KREMEN2: variants seen among roughly 807,000 people sequenced by gnomAD.
KREMEN2 encodes the protein kremen protein 2.
A neutral mutation model predicts 49.8 loss-of-function variants in KREMEN2; 43 were observed. The ratio of observed to expected loss-of-function variants is 0.86; its 90% CI spans 0.68 to 1.11. KREMEN2 has a LOEUF of 1.11. Ranked by LOEUF, KREMEN2 falls within the 50% of genes most tolerant of loss-of-function variation. The pLI, the probability that KREMEN2 is intolerant of heterozygous loss-of-function variation, is 0.00. For synonymous variants in KREMEN2, 355 were observed against 304.9 expected, an observed-to-expected ratio of 1.16 and a Z score of -1.71; for missense variants, 686 against 665.7, an observed-to-expected ratio of 1.03 and a Z score of -0.34.
chr16:2,964,937 G>A lies in KREMEN2; in HGVS notation c.173G>A (p.Arg58His). 2 of 1,597,626 alleles carry A rather than the reference G, an allele frequency of 1.3e-6. No homozygotes were observed. Among genetic ancestry groups the A allele is most frequent in the South Asian group, 1.1e-5 (1 of 89,608 alleles). ...QNRTGPRGAG[R>H]PCLFWDQTQQ... ...CGCACTGGCCCGCGCGGGGCGGGCC[G>A]CCCGTGCCTCTTCTGGGACCAGACG... The change falls in exon 2 of 9, where the codon CGC becomes CAC. Residue 58 changes from arginine to histidine, a missense_variant. Arg to His is a conservative substitution (Grantham distance 29). Coordinates refer to ENST00000303746, the MANE Select transcript of KREMEN2 (RefSeq NM_172229.3).
At position 2,964,390 on chromosome 16, in the gene KREMEN2, C is replaced by T. The variant is rs2071776127; in HGVS notation, c.-131C>T. On this transcript the variant is annotated 5_prime_UTR_variant, in exon 1 of 9. Coordinates refer to ENST00000303746, the MANE Select transcript of KREMEN2 (RefSeq NM_172229.3). ...ATTTACCCACCCCAGACGGAAAGCG[C>T]GGCTCAGAGTCGGACGAGGGGAGAC... 4.7e-6 allele frequency: 3 copies of T among 633,340 alleles called. No individual in the cohort carries two copies. The highest frequency in any genetic ancestry group is 5.6e-4 in the Middle Eastern group (2 of 3,540). 39.2% of individuals were successfully genotyped at this position (633,340 alleles called of 1,614,324 possible).
chr16:2,967,716 G>A, intron 8 of KREMEN2, 94 bp from the exon 9 acceptor site: 2 of 1,547,664 alleles, frequency 1.3e-6, no homozygotes, highest in East Asian at 2.4e-5. Context: ...GCGAGGCTTT[G>A]GGTCCACGCA....
rs539643343 is a variant in KREMEN2 at position 2,968,190 on chromosome 16, G to T, written c.*170G>T. On this transcript the variant is annotated 3_prime_UTR_variant, in exon 9 of 9. Transcript: ENST00000303746. Reference sequence around the variant, plus strand: ...CATCTGGTGCTATTATCTGGGACTTGGCCTGACCGTGGGGGTCCAGATGGT... The same window carrying T: ...CATCTGGTGCTATTATCTGGGACTTTGCCTGACCGTGGGGGTCCAGATGGT... 2.2e-6 allele frequency: 2 copies of T among 916,586 alleles called. No individual in the cohort carries two copies. Among genetic ancestry groups the T allele is most frequent in the South Asian group, 3.0e-5 (2 of 66,246 alleles). 56.8% of individuals were successfully genotyped at this position (916,586 alleles called of 1,614,324 possible). A position where few individuals can be genotyped will look rare whatever the true frequency, so the allele number is the denominator to read the frequency against.
In KREMEN2 at chr16:2,968,031, C is replaced by A; in HGVS notation, c.*11C>A. 6.5e-7 allele frequency: 1 copy of A among 1,541,836 alleles called. No individual in the cohort carries two copies. The highest frequency in any genetic ancestry group is 8.7e-7 in the Non-Finnish European group (1 of 1,149,768). On this transcript the variant is annotated 3_prime_UTR_variant, in exon 9 of 9. Coordinates refer to ENST00000303746, the MANE Select transcript of KREMEN2 (RefSeq NM_172229.3). ...ATCTCCGCTCTCTGACTCTGGGCCCCGAGGGTCCGCTGGGCCCGCCGCCGG... is the reference window on the plus strand; with the variant it reads ...ATCTCCGCTCTCTGACTCTGGGCCCAGAGGGTCCGCTGGGCCCGCCGCCGG...
At chr16:2,967,272 C>G in intron 6 of KREMEN2, 30 bp downstream of exon 6, 1 of 1,361,590 alleles carries the variant, frequency 7.3e-7, no homozygotes. Flanking sequence ...GCCCTGCCCG[C>G]TGTTCCCACC....
Position 2,967,181 on chromosome 16 carries a change from G to A in KREMEN2, c.912G>A (p.Leu304=). 7.3e-7 allele frequency: 1 copy of A among 1,370,182 alleles called. No homozygotes were observed. Among genetic ancestry groups the A allele is most frequent in the South Asian group, 1.7e-5 (1 of 57,378 alleles). The allele number at this position is 1,370,182 out of a possible 1,614,324, so 84.9% of individuals were successfully genotyped here. A position where few individuals can be genotyped will look rare whatever the true frequency, so the allele number is the denominator to read the frequency against. Residue 304 remains leucine, a synonymous_variant, in exon 6 of 9, where the codon CTG becomes CTA. Coordinates refer to ENST00000303746, the MANE Select transcript of KREMEN2 (RefSeq NM_172229.3). Reference sequence around the variant, plus strand: ...CGCTGCGCCTGGGCACTGCCGCGCTGCTGCTCACCTTCCGAAGCGACGCGC... The same window carrying A: ...CGCTGCGCCTGGGCACTGCCGCGCTACTGCTCACCTTCCGAAGCGACGCGC... ...SGPLRLGTAA[L]LLTFRSDARG...
At position 2,964,488 on chromosome 16, in the gene KREMEN2, C is replaced by T. The variant is rs1472054029; in HGVS notation, c.-33C>T. The T allele has an allele frequency of 6.7e-7, 1 of 1,496,132 alleles. No individual in the cohort carries two copies. Among genetic ancestry groups the T allele is most frequent in the East Asian group, 2.4e-5 (1 of 41,776 alleles). The allele number at this position is 1,496,132 out of a possible 1,614,324, so 92.7% of individuals were successfully genotyped here. On this transcript the variant is annotated 5_prime_UTR_variant, in exon 1 of 9. Transcript: ENST00000303746. ...CCCCGGGGGCAGCCCGGGCCGTGTC[C>T]GGGCGAGGGTGACCTATCCTTGGTT...
chr16:2,966,167 G>A lies in KREMEN2; in HGVS notation c.297G>A (p.Trp99Ter), dbSNP rs1437541915. 1.9e-6 allele frequency: 3 copies of A among 1,612,342 alleles called. No individual in the cohort carries two copies. Among genetic ancestry groups the A allele is most frequent in the African/African-American group, 1.3e-5 (1 of 74,898 alleles). ...ACCCAGACGGTGACGTGCAGCCGTG[G>A]TGCTACGTGGCTGAGACAGAGGAGG... ...CRNPDGDVQP[W>*]CYVAETEEGI... Residue 99 changes from tryptophan (W) to a stop codon, truncating the protein, a stop_gained, in exon 3 of 9, where the codon TGG becomes TGA. Transcript: ENST00000303746. LOFTEE classifies it high-confidence loss of function. The surrounding 1 kb of genome is among the most constrained non-coding windows in gnomAD (Gnocchi z 8.4).
At chr16:2,965,279 G>A (rs374855194) in intron 2 of KREMEN2, among the ~76,000 whole-genome samples, 52 of 152,232 alleles carry the variant, frequency 3.4e-4, no homozygotes, top group African/African-American at 1.2e-3. Context: ...AGGGCCAGGA[G>A]AGAAACGGAC....
Position 2,966,990 on chromosome 16 carries a change from C to A in KREMEN2, c.721C>A (p.Pro241Thr). Residue 241 changes from proline to threonine, a missense_variant, in exon 6 of 9, where the codon CCG becomes ACG. Pro to Thr is a conservative substitution (Grantham distance 38, BLOSUM62 -1). Coordinates refer to ENST00000303746, the MANE Select transcript of KREMEN2 (RefSeq NM_172229.3). This position sits in a 1 kb window ranked among gnomAD's most constrained non-coding sequence, Gnocchi z 8.4. Reference sequence around the variant, plus strand: ...CCCGGACTTCCCGGACGAGTACGGGCCGGACCGGAACTGCAGCTGGGCCCT... The same window carrying A: ...CCCGGACTTCCCGGACGAGTACGGGACGGACCGGAACTGCAGCTGGGCCCT... ...YSPDFPDEYG[P>T]DRNCSWALGP... 6.4e-7 allele frequency: 1 copy of A among 1,554,336 alleles called. No individual in the cohort carries two copies. The highest frequency in any genetic ancestry group is 8.7e-7 in the Non-Finnish European group (1 of 1,149,076).
rs1269577681 is a variant in KREMEN2, at chr16:2,966,337, T to G, written c.374T>G (p.Leu125Arg). The change falls in exon 4 of 9, where the codon CTG (leucine) becomes CGG (arginine). Residue 125 changes from leucine to arginine, a missense_variant. Physicochemically the swap from Leu to Arg is moderately radical, Grantham distance 102 (BLOSUM62 -2). Coordinates refer to ENST00000303746, the MANE Select transcript of KREMEN2 (RefSeq NM_172229.3). The surrounding 1 kb of genome is among the most constrained non-coding windows in gnomAD (Gnocchi z 8.4). ...DIPSCHMPGY[L>R]GCFVDSGAPP... Reference sequence around the variant, plus strand: ...TCTGCCCCCTCAGTGCCAGGCTACCTGGGATGCTTTGTGGACTCAGGGGCA... The same window carrying G: ...TCTGCCCCCTCAGTGCCAGGCTACCGGGGATGCTTTGTGGACTCAGGGGCA... 1.8e-5 allele frequency: 29 copies of G among 1,612,094 alleles called. No individual in the cohort carries two copies. The highest frequency in any genetic ancestry group is 2.5e-5 in the Non-Finnish European group (29 of 1,179,982).
intron 8 of KREMEN2, 44 bp from the exon 9 acceptor site, chr16:2,967,766 C>T: frequency 6.5e-7 from 1 of 1,545,312 alleles, no homozygotes; most frequent in East Asian, 2.4e-5. Flanking sequence ...CAGGACGCTG[C>T]AGCGGGATTG....
Position 2,967,507 on chromosome 16 carries a change from C to A in KREMEN2, c.1100-19C>A, listed in dbSNP as rs1039274035. On this transcript the variant is annotated intron_variant, in intron 7 of 8. Coordinates refer to ENST00000303746, the MANE Select transcript of KREMEN2 (RefSeq NM_172229.3). ...GCCGCCCCCTCGCGCCCATCCTCAC[C>A]GCAGCCGTGTGCCCGCAGCCCGGGT... The A allele has an allele frequency of 8.9e-5, 136 of 1,527,178 alleles. No individual in the cohort carries two copies. The highest frequency in any genetic ancestry group is 1.1e-4 in the Non-Finnish European group (130 of 1,143,614). 94.6% of individuals were successfully genotyped at this position (1,527,178 alleles called of 1,614,324 possible). A position where few individuals can be genotyped will look rare whatever the true frequency, so the allele number is the denominator to read the frequency against.
chr16:2,965,110 G>C lies in KREMEN2; in HGVS notation c.269+77G>C. 3.9e-6 allele frequency: 5 copies of C among 1,284,648 alleles called. No homozygotes were observed. In the South Asian group the frequency reaches 8.0e-5, roughly 21 times the overall value. 79.6% of individuals were successfully genotyped at this position (1,284,648 alleles called of 1,614,324 possible). On this transcript the variant is annotated intron_variant, in intron 2 of 8. Transcript: ENST00000303746. The stretch of plus-strand genomic sequence containing the variant: ...ATGGCCCGAAGCGGGGCCTCCGTGC[G>C]GGCGGGGTGGAGGTCTGCCGTGGAC...
In KREMEN2 at chr16:2,966,133, C is replaced by T; in HGVS notation, c.270-7C>T. ...TGGGAGCCCCACCACCTCCCTCCCA[C>T]CCGCAGTAACCCAGACGGTGACGTG... is the stretch of plus-strand genomic sequence containing the variant. On this transcript the variant is annotated splice_polypyrimidine_tract_variant and splice_region_variant and intron_variant, in intron 2 of 8. Transcript: ENST00000303746. This position sits in a 1 kb window ranked among gnomAD's most constrained non-coding sequence, Gnocchi z 8.4. 1 of 1,611,268 alleles carries T rather than the reference C, an allele frequency of 6.2e-7. No homozygotes were observed. The highest frequency in any genetic ancestry group is 8.5e-7 in the Non-Finnish European group (1 of 1,179,620).
At position 2,964,927 on chromosome 16, in the gene KREMEN2, G is replaced by A. The variant is rs1366577981; in HGVS notation, c.163G>A (p.Gly55Arg). Residue 55 changes from glycine to arginine, a missense_variant, in exon 2 of 9, where the codon GGG (glycine) becomes AGG (arginine). By Grantham distance (125) the Gly-to-Arg change is moderately radical. Transcript: ENST00000303746. The part of the protein sequence containing the change: ...RGHQNRTGPR[G>R]AGRPCLFWDQ... The stretch of plus-strand genomic sequence containing the variant: ...CCACCAGAACCGCACTGGCCCGCGC[G>A]GGGCGGGCCGCCCGTGCCTCTTCTG... The A allele has an allele frequency of 4.4e-6, 7 of 1,602,486 alleles. No individual in the cohort carries two copies. Among genetic ancestry groups the A allele is most frequent in the Non-Finnish European group, 6.0e-6 (7 of 1,175,340 alleles).
Position 2,967,617 on chromosome 16 carries a change from G to A in KREMEN2, c.1178+13G>A. ...CGCTGCGCCGACGGTGCGGGGCGCT[G>A]GGGCAGGGCCTGAGGGCGGACCGGT... On this transcript the variant is annotated intron_variant, in intron 8 of 8. Transcript: ENST00000303746. 1.3e-6 allele frequency: 2 copies of A among 1,530,054 alleles called. No homozygotes were observed. The highest frequency in any genetic ancestry group is 1.7e-6 in the Non-Finnish European group (2 of 1,143,326). The allele number at this position is 1,530,054 out of a possible 1,614,324, so 94.8% of individuals were successfully genotyped here.
intron 7 of KREMEN2, 40 bp downstream of exon 7, chr16:2,967,485 GC>G: frequency 6.7e-7 from 1 of 1,489,186 alleles, no homozygotes; most frequent in Non-Finnish European, 8.9e-7. Context: ...TCAGGGAGCC[GC>G]CCCCTCGCGC....
rs1228308843 is a variant in KREMEN2, at chr16:2,964,565, C to A, written c.45C>A (p.Leu15=). The part of the protein sequence containing the change: ...ALQGFLFLLF[L]PLLQPRGASA... The stretch of plus-strand genomic sequence containing the variant: ...AGGGCTTCCTCTTTCTCCTCTTCCT[C>A]CCGCTGCTGCAGCCGCGTGGGGCCT... The change falls in exon 1 of 9, where the codon CTC becomes CTA. Residue 15 remains leucine (L), a synonymous_variant. Coordinates refer to ENST00000303746, the MANE Select transcript of KREMEN2 (RefSeq NM_172229.3). 2 of 1,608,650 alleles carry A rather than the reference C, an allele frequency of 1.2e-6. No individual in the cohort carries two copies. Among genetic ancestry groups the A allele is most frequent in the East Asian group, 2.2e-5 (1 of 44,454 alleles).
Sources: gnomAD v4.1 joint callset for allele counts (sites outside exome capture counted in the v4.1 genomes callset) on GRCh38, gnomAD v4.1.1 for gene constraint, Gnocchi (gnomAD v3.1) non-coding constraint, MANE v1.5 for transcripts, NCBI Gene and HGNC (gene_info 2026-07-23, HGNC 2026-07-21) for gene names.